The following NRXN1 variants were observed in gnomAD, a reference collection of about 807,000 sequenced individuals.
The protein encoded by NRXN1 is neurexin-1.
In NRXN1, 39 loss-of-function variants were observed where a neutral mutation model predicts 150.9. The ratio of observed to expected loss-of-function variants is 0.26; its 90% CI spans 0.20 to 0.34. The LOEUF (loss-of-function observed/expected upper bound fraction) is 0.34. Among genes scored for constraint, NRXN1 ranks in the 10% least tolerant of loss-of-function variants. The pLI is 1.00. For synonymous variants in NRXN1, 924 were observed against 757.0 expected (o/e 1.22, Z -3.62); for missense variants, 1,815 against 1,949.9 (o/e 0.93, Z 1.30).
chr2:50,431,796 A>G lies in NRXN1; in HGVS notation c.3364+33646T>C, dbSNP rs2084986271. ...TATGTATTATCCAGTCCTTTACACA[A>G]AAAGTTTGTTGACTTTTGCACAAGA... On this transcript the variant is annotated intron_variant, in intron 17 of 22. Coordinates refer to ENST00000401669, the MANE Select transcript of NRXN1 (RefSeq NM_001330078.2). Among the ~76,000 whole-genome samples, 3 of 152,260 alleles carry G rather than the reference A, an allele frequency of 2.0e-5. No homozygotes were observed. The South Asian group carries it at 6.2e-4, about 32-fold the overall frequency.
intron 12 of NRXN1, among the ~76,000 whole-genome samples, chr2:50,511,318 G>A (rs536213834): frequency 6.6e-6 from 1 of 152,274 alleles, no homozygotes; most frequent in East Asian, 1.9e-4. Flanking sequence ...GCCTACCAAA[G>A]TGCTGGAATT....
chr2:50,514,127 A>C (rs1171239975), intron 12 of NRXN1, among the ~76,000 whole-genome samples: 2 of 152,172 alleles, frequency 1.3e-5, no homozygotes, highest in African/African-American at 4.8e-5. Context: ...TGACTTACTC[A>C]ATTAAACCAT....
chr2:50,482,012 C>T (rs6707831), intron 15 of NRXN1, among the ~76,000 whole-genome samples: 2 of 142,538 alleles, frequency 1.4e-5, no homozygotes, highest in Non-Finnish European at 3.0e-5. Context: ...TCGTGATCCG[C>T]CCGCCTCGGC....
At chr2:49,962,126 A>T (rs1449452052) in intron 21 of NRXN1, among the ~76,000 whole-genome samples, 1 of 152,150 alleles carries the variant, frequency 6.6e-6, no homozygotes, top group Non-Finnish European at 1.5e-5. Context: ...GGGAATAGGT[A>T]TTCAATTCTT....
intron 21 of NRXN1, among the ~76,000 whole-genome samples, chr2:50,026,750 C>A (rs1688343193): frequency 6.6e-6 from 1 of 151,656 alleles, no homozygotes; most frequent in African/African-American, 2.4e-5. Context: ...AATATATCAC[C>A]CGAAAATGAA....
At chr2:50,866,388 T>C (rs528407501) in intron 5 of NRXN1, among the ~76,000 whole-genome samples, 33 of 152,052 alleles carry the variant, frequency 2.2e-4, no homozygotes, top group Admixed American at 1.2e-3. Context: ...TTAAATTGAT[T>C]AATTGTTATT....
chr2:50,465,200 C>T (rs936745420), intron 17 of NRXN1, among the ~76,000 whole-genome samples: 1 of 151,782 alleles, frequency 6.6e-6, no homozygotes, highest in African/African-American at 2.4e-5. Context: ...ACAAGGTGAT[C>T]ATTAGTAATT....
chr2:50,455,599 A>T (rs2087474975), intron 17 of NRXN1, among the ~76,000 whole-genome samples: 1 of 152,162 alleles, frequency 6.6e-6, no homozygotes, highest in African/African-American at 2.4e-5. Flanking sequence ...TCCTGCAGCT[A>T]AGAGGAAATG....
chr2:50,703,804 C>T (rs1390747444), intron 5 of NRXN1, among the ~76,000 whole-genome samples: 2 of 152,158 alleles, frequency 1.3e-5, no homozygotes, highest in South Asian at 2.1e-4. Context: ...ATAGACAATC[C>T]TGTGAGATTC....
chr2:50,901,661 T>A (rs1682972765), intron 5 of NRXN1, among the ~76,000 whole-genome samples: 1 of 152,130 alleles, frequency 6.6e-6, no homozygotes, highest in Non-Finnish European at 1.5e-5. Flanking sequence ...AAATAAATCT[T>A]ACAATCTTAA....
intron 19 of NRXN1, among the ~76,000 whole-genome samples, chr2:50,086,265 TG>T: frequency 6.6e-6 from 1 of 152,290 alleles, no homozygotes; most frequent in South Asian, 2.1e-4. Flanking sequence ...AAATTACTGA[TG>T]ACTTGAATTA....
chr2:50,411,981 C>CAGAACA (rs1219330753), intron 17 of NRXN1, among the ~76,000 whole-genome samples: 1 of 152,192 alleles, frequency 6.6e-6, no homozygotes, highest in Non-Finnish European at 1.5e-5. Context: ...AAAAATTCTT[C>CAGAACA]TGCCTTGGGA....
chr2:50,039,893 A>T (rs975716053), intron 21 of NRXN1, among the ~76,000 whole-genome samples: 1 of 152,220 alleles, frequency 6.6e-6, no homozygotes, highest in African/African-American at 2.4e-5. Context: ...AGTGCAAGGG[A>T]ATCCACTTGA....
At chr2:50,822,444 T>C (rs1669871536) in intron 5 of NRXN1, among the ~76,000 whole-genome samples, 1 of 152,118 alleles carries the variant, frequency 6.6e-6, no homozygotes, top group South Asian at 2.1e-4. Flanking sequence ...AAAATAAATA[T>C]TTTTCTGCAG....
At chr2:50,858,626 T>A (rs1444901121) in intron 5 of NRXN1, among the ~76,000 whole-genome samples, 1 of 152,148 alleles carries the variant, frequency 6.6e-6, no homozygotes, top group Non-Finnish European at 1.5e-5. Context: ...GCTTCTTATT[T>A]GCAAATCATT....
intron 17 of NRXN1, among the ~76,000 whole-genome samples, chr2:50,260,187 T>C (rs2068107794): frequency 6.6e-6 from 1 of 151,866 alleles, no homozygotes; most frequent in Non-Finnish European, 1.5e-5. Context: ...TAGAACATAG[T>C]GGTCATGGGT....
At chr2:50,901,644 G>A (rs770907772) in intron 5 of NRXN1, among the ~76,000 whole-genome samples, 1 of 152,138 alleles carries the variant, frequency 6.6e-6, no homozygotes, top group Non-Finnish European at 1.5e-5. Context: ...CTTCATTAAA[G>A]GATCTCAAAT....
chr2:50,992,664 T>C (rs1303702594), intron 2 of NRXN1, among the ~76,000 whole-genome samples: 1 of 152,018 alleles, frequency 6.6e-6, no homozygotes, highest in Non-Finnish European at 1.5e-5. Flanking sequence ...AGAAATGCAA[T>C]ATACTTTGCC....
chr2:50,286,420 A>T (rs1225855632), intron 17 of NRXN1, among the ~76,000 whole-genome samples: 2 of 152,128 alleles, frequency 1.3e-5, no homozygotes, highest in Admixed American at 1.3e-4. Flanking sequence ...CAATTCACAT[A>T]ATGTCCCCCA....
Sources: gnomAD v4.1 joint callset for allele counts (sites outside exome capture counted in the v4.1 genomes callset) on GRCh38, gnomAD v4.1.1 for gene constraint, MANE v1.5 for transcripts, NCBI Gene and HGNC (gene_info 2026-07-23, HGNC 2026-07-21) for gene names.